The following NDST1 variants were observed in gnomAD, a reference collection of about 807,000 sequenced individuals.
NDST1 encodes the protein bifunctional heparan sulfate N-deacetylase/N-sulfotransferase 1.
In NDST1, 35 loss-of-function variants were observed where a neutral mutation model predicts 92.8. The observed-to-expected ratio is 0.38, with a 90% CI of 0.29 to 0.50. The LOEUF (loss-of-function observed/expected upper bound fraction) is 0.50, where lower values mean the gene tolerates loss of function less well. NDST1 is among the 20% of genes least tolerant of loss of function. The probability of loss-of-function intolerance (pLI) is 0.94; values close to 1 mark genes in which losing one functional copy is unlikely to be tolerated. For synonymous variants in NDST1, 493 were observed against 500.3 expected, an observed-to-expected ratio of 0.99 and a Z score of 0.19; for missense variants, 822 against 1,182.7, an observed-to-expected ratio of 0.69 and a Z score of 4.47.
chr5:150,548,970 G>A (rs577127740), intron 12 of NDST1, among the ~76,000 whole-genome samples: 2 of 152,272 alleles, frequency 1.3e-5, no homozygotes, highest in East Asian at 3.9e-4. Context: ...GAGACTGGGC[G>A]TGGTGATGGA....
Position 150,553,040 on chromosome 5 carries a change from C to T in NDST1, c.2530-173C>T, listed in dbSNP as rs6893285. On this transcript the variant is annotated intron_variant, in intron 14 of 14. Transcript: ENST00000261797. The surrounding 1 kb of genome is among the most constrained non-coding windows in gnomAD (Gnocchi z 4.2). ...TTTTGTATTTTTAGTAGGGTTTTCC[C>T]ATGTTGGCCAGGCTGGTCTTGAACT... Among the ~76,000 whole-genome samples the T allele has an allele frequency of 0.71, 108,594 of 151,944 alleles. 39,316 individuals are homozygous for T. Among genetic ancestry groups the T allele is most frequent in the Middle Eastern group, 0.78 (228 of 294 alleles).
At chr5:150,543,064 T>G in intron 10 of NDST1, 93 bp downstream of exon 10, 1 of 1,522,096 alleles carries the variant, frequency 6.6e-7, no homozygotes, top group South Asian at 1.1e-5. Context: ...CAGCTGGAGC[T>G]TGCTCACACA....
chr5:150,525,092 C>T (rs1754411526), intron 2 of NDST1, among the ~76,000 whole-genome samples: 1 of 152,232 alleles, frequency 6.6e-6, no homozygotes, highest in South Asian at 2.1e-4. Flanking sequence ...CCTCCTCCCT[C>T]TGCCTGGGGG....
rs138837830 is a variant in NDST1 at position 150,499,877 on chromosome 5, C to T, written c.-388+1638C>T. ...GGAGTTTAGGGAGGGGAGGACTGTGCTCAGCAGCCTTCAGAGGATATCAGG... is the reference window on the plus strand; with the variant it reads ...GGAGTTTAGGGAGGGGAGGACTGTGTTCAGCAGCCTTCAGAGGATATCAGG... On this transcript the variant is annotated intron_variant, in intron 1 of 1. Transcript: ENST00000518299. Among the ~76,000 whole-genome samples the T allele has an allele frequency of 4.2e-3, 646 of 152,310 alleles. 5 individuals carry two copies. Among genetic ancestry groups the T allele is most frequent in the African/African-American group, 0.015 (603 of 41,572 alleles).
At chr5:150,551,892 A>AG in intron 14 of NDST1, 37 bp downstream of exon 14, 3 of 1,608,982 alleles carry the variant, frequency 1.9e-6, no homozygotes, top group Non-Finnish European at 2.5e-6. Context: ...CACCTGCATA[A>AG]GGGTAAGGGG....
At chr5:150,547,478 A>C (rs1755539821) in intron 11 of NDST1, among the ~76,000 whole-genome samples, 1 of 151,822 alleles carries the variant, frequency 6.6e-6, no homozygotes, top group African/African-American at 2.4e-5. Context: ...GCAGATTCGG[A>C]CCTCCCATGG....
intron 10 of NDST1, among the ~76,000 whole-genome samples, chr5:150,544,821 T>G (rs1379406886): frequency 1.3e-5 from 2 of 152,172 alleles, no homozygotes; most frequent in Non-Finnish European, 2.9e-5. Flanking sequence ...TGGTCCACAG[T>G]GACGGCCTAG....
chr5:150,516,057 GCTT>G (rs1323821423), intron 1 of NDST1, among the ~76,000 whole-genome samples: 1 of 141,190 alleles, frequency 7.1e-6, no homozygotes, highest in Non-Finnish European at 1.5e-5. Context: ...CTTATCTTCA[GCTT>G]CTTGGCTTCT....
At chr5:150,534,383 T>C (rs1754888901) in intron 4 of NDST1, among the ~76,000 whole-genome samples, 1 of 152,146 alleles carries the variant, frequency 6.6e-6, no homozygotes, top group African/African-American at 2.4e-5. Flanking sequence ...GGGTTTCAAG[T>C]GTGAACCACT....
intron 1 of NDST1, among the ~76,000 whole-genome samples, chr5:150,513,170 G>A (rs914213082): frequency 1.3e-5 from 2 of 152,000 alleles, no homozygotes; most frequent in African/African-American, 4.8e-5. Context: ...ACTCCAGCCT[G>A]GGCAACAGAG....
upstream of NDST1, among the ~76,000 whole-genome samples, chr5:150,505,682 A>G (rs1172035851): frequency 1.3e-5 from 2 of 152,220 alleles, no homozygotes; most frequent in African/African-American, 4.8e-5. Context: ...TTTGCTGCAG[A>G]GGTCGGTTAT....
rs368136785 is a variant in NDST1 at position 150,553,236 on chromosome 5, T to C, written c.2553T>C (p.Tyr851=). The change falls in exon 15 of 15, where the codon TAT becomes TAC. Residue 851 remains tyrosine (Y), a synonymous_variant. Coordinates refer to ENST00000261797, the MANE Select transcript of NDST1 (RefSeq NM_001543.5). The surrounding 1 kb of genome is among the most constrained non-coding windows in gnomAD (Gnocchi z 4.2). ...AGTCCCGAGCCTTCCTGAAGGACTA[T>C]TACCGGGACCACAACATCGAGCTCT... is the stretch of plus-strand genomic sequence containing the variant. The part of the protein sequence containing the change: ...DLDSRAFLKD[Y]YRDHNIELSK... 2 of 1,613,672 alleles carry C rather than the reference T, an allele frequency of 1.2e-6. No individual in the cohort carries two copies. Among genetic ancestry groups the C allele is most frequent in the African/African-American group, 2.7e-5 (2 of 75,042 alleles).
upstream of NDST1, among the ~76,000 whole-genome samples, chr5:150,506,447 G>A (rs1464488714): frequency 6.6e-6 from 1 of 152,104 alleles, no homozygotes; most frequent in Non-Finnish European, 1.5e-5. Flanking sequence ...CTCCTCGCGG[G>A]CCTCACCTGA....
intron 3 of NDST1, among the ~76,000 whole-genome samples, chr5:150,530,361 G>A (rs1424119610): frequency 6.6e-6 from 1 of 152,102 alleles, no homozygotes; most frequent in African/African-American, 2.4e-5. Flanking sequence ...ATTGCTCTGT[G>A]TTCTACTCGA....
At chr5:150,517,503 A>T (rs762972331) in intron 1 of NDST1, among the ~76,000 whole-genome samples, 1 of 152,078 alleles carries the variant, frequency 6.6e-6, no homozygotes, top group Non-Finnish European at 1.5e-5. Context: ...CCCAGAGTCC[A>T]TAGTTTACTT....
At chr5:150,499,308 G>C (rs1320260986) in intron 1 of NDST1, among the ~76,000 whole-genome samples, 1 of 152,142 alleles carries the variant, frequency 6.6e-6, no homozygotes, top group Non-Finnish European at 1.5e-5. Context: ...ATTCTCCAGG[G>C]GTCATTGCTG....
chr5:150,501,078 A>G (rs1753208032), intron 1 of NDST1, among the ~76,000 whole-genome samples: 1 of 151,486 alleles, frequency 6.6e-6, no homozygotes, highest in Non-Finnish European at 1.5e-5. Flanking sequence ...AACATTCTCC[A>G]TCCCATTTTT....
chr5:150,506,511 C>A (rs1328656396), upstream of NDST1, among the ~76,000 whole-genome samples: 1 of 152,144 alleles, frequency 6.6e-6, no homozygotes, highest in South Asian at 2.1e-4. Flanking sequence ...TCTCCTGGCC[C>A]CATGAACTGT....
At chr5:150,543,264 G>A (rs1755327216) in intron 10 of NDST1, among the ~76,000 whole-genome samples, 1 of 152,258 alleles carries the variant, frequency 6.6e-6, no homozygotes, top group Admixed American at 6.5e-5. Flanking sequence ...TTGGGGAGGA[G>A]AAGGGTTTGC....
Sources: allele counts gnomAD v4.1 joint callset (sites outside exome capture counted in the v4.1 genomes callset), GRCh38; gene constraint gnomAD v4.1.1; non-coding constraint Gnocchi (gnomAD v3.1); transcripts MANE v1.5; gene names NCBI Gene and HGNC (gene_info 2026-07-23, HGNC 2026-07-21).